The following ADAP1 variants were observed in gnomAD, a reference collection of about 807,000 sequenced individuals.
ADAP1 encodes the protein arf-GAP with dual PH domain-containing protein 1.
A neutral mutation model predicts 54.9 loss-of-function variants in ADAP1; 31 were observed. The observed-to-expected ratio is 0.56, with a 90% CI of 0.42 to 0.76. The LOEUF is 0.76. Ranked by LOEUF, ADAP1 falls within the 30% of genes least tolerant of loss-of-function variation. The pLI, the probability that ADAP1 is intolerant of heterozygous loss-of-function variation, is 0.00. For synonymous variants in ADAP1, 313 were observed against 202.6 expected, an observed-to-expected ratio of 1.55 and a Z score of -4.63; for missense variants, 535 against 512.4, an observed-to-expected ratio of 1.04 and a Z score of -0.42.
chr7:930,486 G>A (rs6950808), intron 2 of ADAP1, among the ~76,000 whole-genome samples: 10,976 of 74,606 alleles, frequency 0.15, no homozygotes, highest in East Asian at 0.34. Flanking sequence ...GACCAGCCTG[G>A]CCAACATAGC....
intron 2 of ADAP1, among the ~76,000 whole-genome samples, chr7:929,970 G>T (rs1473826860): frequency 1.3e-5 from 2 of 151,764 alleles, no homozygotes; most frequent in Non-Finnish European, 2.9e-5. Context: ...CAGGCGTGGT[G>T]GTGCACGTCT....
At chr7:904,991 G>T in intron 5 of ADAP1, 69 bp downstream of exon 5, 5 of 1,379,160 alleles carry the variant, frequency 3.6e-6, no homozygotes, top group Non-Finnish European at 5.1e-6. Flanking sequence ...GGCCACCACA[G>T]GCCCCAGTGT....
chr7:908,423 G>A (rs959274125), intron 4 of ADAP1, among the ~76,000 whole-genome samples: 70 of 152,290 alleles, frequency 4.6e-4, no homozygotes, highest in Middle Eastern at 3.4e-3. Flanking sequence ...GGTGCCAGAC[G>A]GGGCCTGCTC....
At chr7:953,884 G>C (rs1847325631) in intron 1 of ADAP1, among the ~76,000 whole-genome samples, 1 of 152,208 alleles carries the variant, frequency 6.6e-6, no homozygotes. Flanking sequence ...GGAGCAGCCA[G>C]GTGCAGGGAG....
At chr7:921,302 T>A (rs1353043039) in intron 3 of ADAP1, among the ~76,000 whole-genome samples, 1 of 152,212 alleles carries the variant, frequency 6.6e-6, no homozygotes, top group Non-Finnish European at 1.5e-5. Context: ...TATCTTAACC[T>A]GAAGACATCT....
rs536303876 is a variant in ADAP1 at position 914,987 on chromosome 7, T to A, written c.388+4981A>T. Among the ~76,000 whole-genome samples the A allele has an allele frequency of 9.5e-4, 108 of 114,034 alleles. 1 individual carries two copies. Among genetic ancestry groups the A allele is most frequent in the South Asian group, 5.3e-3 (21 of 3,946 alleles). The allele number at this position is 114,034 out of a possible 152,430, so 74.8% of individuals were successfully genotyped here. ...ATACGACTCAGCACCTCTGGGTCCC[T>A]GGGATCCCAGCAGCCTCCCTGCAGC... On this transcript the variant is annotated intron_variant, in intron 4 of 10. Transcript: ENST00000265846.
rs539420428 is a variant in ADAP1 at position 898,863 on chromosome 7, G to A, written c.*58C>T. 4.9e-5 allele frequency: 77 copies of A among 1,558,738 alleles called. No individual in the cohort carries two copies. The highest frequency in any genetic ancestry group is 1.8e-4 in the African/African-American group (13 of 73,424). On this transcript the variant is annotated 3_prime_UTR_variant, in exon 11 of 11. Transcript: ENST00000265846. ...AGGACGCCAGAGCCCCCCCATCCACGGGTCCCCTCCGTCCAGCCACAGTGA... is the reference window on the plus strand; with the variant it reads ...AGGACGCCAGAGCCCCCCCATCCACAGGTCCCCTCCGTCCAGCCACAGTGA...
At chr7:903,621 G>C (rs1483566156) in intron 6 of ADAP1, among the ~76,000 whole-genome samples, 2 of 152,060 alleles carry the variant, frequency 1.3e-5, no homozygotes, top group Non-Finnish European at 2.9e-5. Flanking sequence ...GTTTTACCTG[G>C]GTTCCCCCCA....
intron 4 of ADAP1, among the ~76,000 whole-genome samples, chr7:919,424 C>A (rs1478788041): frequency 6.6e-6 from 1 of 152,020 alleles, no homozygotes; most frequent in Admixed American, 6.6e-5. Flanking sequence ...CGACCCCAAG[C>A]CCTCAGTCAC....
chr7:918,126 C>G (rs993247729), intron 4 of ADAP1, among the ~76,000 whole-genome samples: 2 of 152,194 alleles, frequency 1.3e-5, no homozygotes, highest in African/African-American at 4.8e-5. Context: ...CGGGGTTTCA[C>G]CATGTTGGCC....
rs1417941085 is a variant in ADAP1 at position 912,457 on chromosome 7, CACGCAGTG to C, written c.389-7293_389-7286del. 6.6e-5 allele frequency among the ~76,000 whole-genome samples: 10 copies of C among 152,284 alleles called. No homozygotes were observed. In the East Asian group the frequency reaches 1.7e-3, roughly 26 times the overall value. ...CTGGGGGAGGGGTGCGGCGCGTCCCCACGCAGTGACCTTGGCCCAGGGAGGCGGCGCAG... is the reference window on the plus strand; with the variant it reads ...CTGGGGGAGGGGTGCGGCGCGTCCCCACCTTGGCCCAGGGAGGCGGCGCAG... On this transcript the variant is annotated intron_variant, in intron 4 of 10. Transcript: ENST00000265846.
chr7:950,515 G>T (rs1161485144), intron 1 of ADAP1, among the ~76,000 whole-genome samples: 1 of 147,384 alleles, frequency 6.8e-6, no homozygotes, highest in Non-Finnish European at 1.5e-5. Flanking sequence ...AATGAATACC[G>T]CATGGTTTCA....
chr7:911,208 G>C (rs1845708332), intron 4 of ADAP1, among the ~76,000 whole-genome samples: 2 of 152,292 alleles, frequency 1.3e-5, no homozygotes, highest in Non-Finnish European at 2.9e-5. Flanking sequence ...TGAGGCCAGA[G>C]GGTGGACGAG....
intron 3 of ADAP1, among the ~76,000 whole-genome samples, chr7:921,681 A>T (rs1412204092): frequency 6.6e-6 from 1 of 152,094 alleles, no homozygotes; most frequent in Admixed American, 6.6e-5. Context: ...TTTTCGGGGG[A>T]CACCGTGCAG....
chr7:922,803 C>A (rs946410498), intron 3 of ADAP1, among the ~76,000 whole-genome samples: 1 of 148,486 alleles, frequency 6.7e-6, no homozygotes, highest in African/African-American at 2.6e-5. Flanking sequence ...GGTGTTCACG[C>A]CCCCGCCCAC....
chr7:952,782 A>G (rs1291364494), intron 1 of ADAP1, among the ~76,000 whole-genome samples: 3 of 152,174 alleles, frequency 2.0e-5, no homozygotes, highest in Non-Finnish European at 4.4e-5. Flanking sequence ...AGATTCTGAA[A>G]AGGCAGAGGT....
At chr7:954,070 C>T (rs1847329998) in intron 1 of ADAP1, among the ~76,000 whole-genome samples, 1 of 152,170 alleles carries the variant, frequency 6.6e-6, no homozygotes. Context: ...CTGTGCGGAG[C>T]CCGAGCTTTC....
chr7:930,486 G>T (rs6950808), intron 2 of ADAP1, among the ~76,000 whole-genome samples: 1 of 90,892 alleles, frequency 1.1e-5, no homozygotes, highest in African/African-American at 5.4e-5. Flanking sequence ...GACCAGCCTG[G>T]CCAACATAGC....
chr7:905,208 G>C, intron 4 of ADAP1, 36 bp from the exon 5 acceptor site: 1 of 1,545,858 alleles, frequency 6.5e-7, no homozygotes, highest in Non-Finnish European at 8.8e-7. Flanking sequence ...GGTGACAGTG[G>C]ATGGGGGGGA....
Sources: allele counts gnomAD v4.1 joint callset (sites outside exome capture counted in the v4.1 genomes callset), GRCh38; gene constraint gnomAD v4.1.1; transcripts MANE v1.5; gene names NCBI Gene and HGNC (gene_info 2026-07-23, HGNC 2026-07-21).